Variants in CIT observed in about 807,000 individuals in gnomAD.
CIT encodes the protein citron Rho-interacting kinase.
Under a neutral mutation model 272.7 loss-of-function variants are expected in CIT, and 79 were observed. The observed-to-expected ratio is 0.29, with a 90% CI of 0.24 to 0.35. The LOEUF (loss-of-function observed/expected upper bound fraction) is 0.35. Among genes scored for constraint, CIT ranks in the 10% least tolerant of loss-of-function variants. The pLI, the probability that CIT is intolerant of heterozygous loss-of-function variation, is 1.00. For synonymous variants in CIT, 948 were observed against 995.6 expected, an observed-to-expected ratio of 0.95 and a Z score of 0.90; for missense variants, 1,909 against 2,618.3, an observed-to-expected ratio of 0.73 and a Z score of 5.91.
chr12:119,846,179 T>A (rs1486913864), intron 5 of CIT, among the ~76,000 whole-genome samples: 1 of 152,064 alleles, frequency 6.6e-6, no homozygotes, highest in Non-Finnish European at 1.5e-5. Flanking sequence ...CTGGGACTCC[T>A]CTGATCATCC....
chr12:119,831,945 G>A (rs1350739338), intron 7 of CIT, among the ~76,000 whole-genome samples: 2 of 152,072 alleles, frequency 1.3e-5, no homozygotes, highest in Non-Finnish European at 2.9e-5. Flanking sequence ...AGACTTGGGG[G>A]GCATTTTGAA....
In CIT at chr12:119,685,982, T is replaced by C. The variant is rs543668784; in HGVS notation, c.*2250A>G. The C allele has an allele frequency of 1.3e-5, 2 of 152,712 alleles. No homozygotes were observed. The highest frequency in any genetic ancestry group is 3.9e-4 in the East Asian group (2 of 5,184). The allele number at this position is 152,712 out of a possible 1,614,324, so 9.5% of individuals were successfully genotyped here. On this transcript the variant is annotated 3_prime_UTR_variant, in exon 48 of 48. Coordinates refer to ENST00000392521, the MANE Select transcript of CIT (RefSeq NM_001206999.2). ...TAAGCTTTTGACAGCAATTTCGTGT[T>C]ACGGTATATCCTGCTGGCATCTTGG...
intron 16 of CIT, 103 bp from the exon 17 acceptor site, chr12:119,773,013 CTA>C: frequency 2.0e-6 from 1 of 512,092 alleles, no homozygotes; most frequent in Non-Finnish European, 2.7e-6. Flanking sequence ...AAAGTATAAT[CTA>C]AAAAAAAAAA....
rs1958688693 is a variant in CIT at position 119,735,252 on chromosome 12, C to T, written c.3064G>A (p.Ala1022Thr). 6 of 1,614,114 alleles carry T rather than the reference C, an allele frequency of 3.7e-6. No homozygotes were observed. The highest frequency in any genetic ancestry group is 4.2e-6 in the Non-Finnish European group (5 of 1,180,018). Residue 1022 changes from alanine to threonine, a missense_variant, in exon 25 of 48, where the codon GCC becomes ACC. This residue lies in a region of CIT where 530 missense variants were observed against 822.4 expected (regional missense o/e 0.64). Coordinates refer to ENST00000392521, the MANE Select transcript of CIT (RefSeq NM_001206999.2). Reference protein sequence around the residue: ...LSKQLDEASGANDEIVQLRSE... With the variant: ...LSKQLDEASGTNDEIVQLRSE... ...CGCAGTTGTACAATCTCGTCGTTGGCGCCAGAAGCCTCATCGAGTTGTTTG... is the reference window on the plus strand; with the variant it reads ...CGCAGTTGTACAATCTCGTCGTTGGTGCCAGAAGCCTCATCGAGTTGTTTG...
Position 119,721,304 on chromosome 12 carries a change from C to A in CIT, c.3732+5G>T. ...TTTAAGCAGATTCCCTCTGCCAGTC[C>A]TCACCTGAATGTTTTCCAGCTGATA... On this transcript the variant is annotated splice_donor_5th_base_variant and intron_variant, in intron 29 of 47. Coordinates refer to ENST00000392521, the MANE Select transcript of CIT (RefSeq NM_001206999.2). 6.3e-7 allele frequency: 1 copy of A among 1,596,550 alleles called. No individual in the cohort carries two copies. Among genetic ancestry groups the A allele is most frequent in the Non-Finnish European group, 8.6e-7 (1 of 1,166,390 alleles).
intron 30 of CIT, 43 bp downstream of exon 30, chr12:119,720,435 G>C: frequency 7.5e-7 from 1 of 1,334,682 alleles, no homozygotes; most frequent in African/African-American, 1.5e-5. Flanking sequence ...CATGAATGAT[G>C]AGTGAAACTG....
rs749597208 is a variant in CIT, at chr12:119,712,164, G to A, written c.4854+14C>T. On this transcript the variant is annotated intron_variant, in intron 37 of 47. Coordinates refer to ENST00000392521, the MANE Select transcript of CIT (RefSeq NM_001206999.2). This position sits in a 1 kb window ranked among gnomAD's most constrained non-coding sequence, Gnocchi z 5.2. ...TTTACAAAGACAACCTCCAGGGCCC[G>A]CTTTCATACTCACAGCATCAGCTTC... is the stretch of plus-strand genomic sequence containing the variant. The A allele has an allele frequency of 5.0e-5, 78 of 1,571,914 alleles. No homozygotes were observed. Among genetic ancestry groups the A allele is most frequent in the African/African-American group, 6.8e-5 (5 of 73,314 alleles).
intron 7 of CIT, among the ~76,000 whole-genome samples, chr12:119,828,009 C>A (rs184244568): frequency 6.6e-6 from 1 of 152,266 alleles, no homozygotes; most frequent in East Asian, 1.9e-4. Flanking sequence ...GTTGCAAAAA[C>A]AGAATTGACT....
At chr12:119,791,672 C>T (rs900446027) in intron 10 of CIT, among the ~76,000 whole-genome samples, 9 of 152,204 alleles carry the variant, frequency 5.9e-5, no homozygotes, top group African/African-American at 1.4e-4. Context: ...CGCAGCCACC[C>T]GCCCACACAC....
At chr12:119,724,111 G>A (rs542695142) in intron 28 of CIT, among the ~76,000 whole-genome samples, 10 of 152,130 alleles carry the variant, frequency 6.6e-5, no homozygotes, top group African/African-American at 1.7e-4. Flanking sequence ...GGGAGACGCC[G>A]TCTCTACAAA....
At chr12:119,689,915 G>A (rs1048555145) in intron 47 of CIT, among the ~76,000 whole-genome samples, 1 of 151,982 alleles carries the variant, frequency 6.6e-6, no homozygotes, top group Non-Finnish European at 1.5e-5. Flanking sequence ...TCCTGACCTC[G>A]TGATCCACCC....
At chr12:119,759,528 C>G (rs1398982717) in intron 20 of CIT, among the ~76,000 whole-genome samples, 1 of 152,128 alleles carries the variant, frequency 6.6e-6, no homozygotes, top group African/African-American at 2.4e-5. Context: ...TGACTATAAT[C>G]CCAGCTACTC....
At chr12:119,857,102 T>C (rs1003971966) in intron 4 of CIT, among the ~76,000 whole-genome samples, 1 of 152,212 alleles carries the variant, frequency 6.6e-6, no homozygotes, top group Non-Finnish European at 1.5e-5. Flanking sequence ...CAAAGAATGT[T>C]ATTTGATTTC....
At chr12:119,782,734 G>GGACAGT in intron 12 of CIT, 97 bp from the exon 13 acceptor site, 1 of 1,450,314 alleles carries the variant, frequency 6.9e-7, no homozygotes, top group Admixed American at 2.0e-5. Context: ...GCAGACACCA[G>GGACAGT]GACAGTTTCG....
At chr12:119,870,139 T>C (rs1950625129) in intron 2 of CIT, among the ~76,000 whole-genome samples, 1 of 152,182 alleles carries the variant, frequency 6.6e-6, no homozygotes, top group Admixed American at 6.6e-5. Flanking sequence ...TACTCCTTAC[T>C]TTAAGCGCTG....
chr12:119,782,467 G>A (rs369885524), intron 13 of CIT, 51 bp downstream of exon 13: 8 of 1,596,840 alleles, frequency 5.0e-6, no homozygotes, highest in Non-Finnish European at 6.0e-6. Flanking sequence ...CCTGAAATTA[G>A]AGGTCCAAGC....
At chr12:119,791,064 A>T (rs1458850152) in intron 10 of CIT, among the ~76,000 whole-genome samples, 1 of 152,212 alleles carries the variant, frequency 6.6e-6, no homozygotes, top group Admixed American at 6.5e-5. Flanking sequence ...GGCTTGCCCT[A>T]TACCTCTATG....
At chr12:119,803,123 T>TTCC in intron 10 of CIT, 83 bp downstream of exon 10, 1 of 234,546 alleles carries the variant, frequency 4.3e-6, no homozygotes, top group Non-Finnish European at 8.7e-6. Context: ...CCCCACCTAT[T>TTCC]CCCCCACCCC....
At position 119,769,157 on chromosome 12, in the gene CIT, C is replaced by G. The variant is rs575948607; in HGVS notation, c.2208+1628G>C. 2.0e-5 allele frequency among the ~76,000 whole-genome samples: 3 copies of G among 148,738 alleles called. No individual in the cohort carries two copies. In the East Asian group the frequency reaches 5.9e-4, roughly 29 times the overall value. ...GAATCTAAGATTAGATCAAAAAACT[C>G]AGGTATCTGAGACTGACAACTTTAA... On this transcript the variant is annotated intron_variant, in intron 18 of 47. Transcript: ENST00000392521.
Sources: gnomAD v4.1 joint callset for allele counts (sites outside exome capture counted in the v4.1 genomes callset) on GRCh38, gnomAD v4.1.1 for gene constraint, gnomAD v4.1.1 regional missense constraint, Gnocchi (gnomAD v3.1) non-coding constraint, MANE v1.5 for transcripts, NCBI Gene and HGNC (gene_info 2026-07-23, HGNC 2026-07-21) for gene names.